The following PIWIL1 variants were observed in gnomAD, a reference collection of about 807,000 sequenced individuals.
The protein encoded by PIWIL1 is piwi-like protein 1.
PIWIL1 carries 73 observed loss-of-function variants against 114.4 expected under a neutral mutation model. That is an observed-to-expected ratio of 0.64 (90% CI 0.53 to 0.78). PIWIL1 has a LOEUF of 0.78. PIWIL1 is among the 30% of genes least tolerant of loss of function. The pLI is 0.00. For synonymous variants in PIWIL1, 375 were observed against 369.0 expected (o/e 1.02, Z -0.19); for missense variants, 723 against 1,063.1 (o/e 0.68, Z 4.45).
At chr12:130,349,103 C>A (rs2073147899) in intron 7 of PIWIL1, 136 bp from the exon 8 acceptor site, 1 of 592,902 alleles carries the variant, frequency 1.7e-6, no homozygotes, top group South Asian at 2.5e-5. Context: ...CCATGTAAAT[C>A]CTAGAAATAA....
chr12:130,398,832 A>T, the PIWIL1 span: 12 of 192,374 alleles, frequency 6.2e-5, no homozygotes. Flanking sequence ...ACACACAGTT[A>T]GCTTGTTAAG....
chr12:130,389,957 T>C, the PIWIL1 span, among the ~76,000 whole-genome samples: 3 of 152,216 alleles, frequency 2.0e-5, no homozygotes, highest in Non-Finnish European at 4.4e-5. Context: ...TTATAAAATT[T>C]CTAAGTTAGT....
chr12:130,406,006 A>C, the PIWIL1 span, among the ~76,000 whole-genome samples: 5 of 152,240 alleles, frequency 3.3e-5, no homozygotes, highest in African/African-American at 7.2e-5. Flanking sequence ...TAGATTATCT[A>C]TAACTCAGCA....
chr12:130,388,656 C>T, the PIWIL1 span, among the ~76,000 whole-genome samples: 1 of 152,050 alleles, frequency 6.6e-6, no homozygotes, highest in Non-Finnish European at 1.5e-5. Flanking sequence ...TTTCTGTGTA[C>T]TGATATTGTA....
chr12:130,354,861 A>G (rs748917485), intron 10 of PIWIL1, 27 bp from the exon 11 acceptor site: 2 of 1,501,830 alleles, frequency 1.3e-6, no homozygotes, highest in African/African-American at 1.4e-5. Context: ...TTCTTTAACC[A>G]TATGCCTTTA....
Position 130,362,853 on chromosome 12 carries a change from GT to G in PIWIL1, c.2041+19del. The stretch of plus-strand genomic sequence containing the variant: ...GCCTGCAAGGTTAGTCACCTGTGGG[GT>G]TGCCATTCTACTCTCTAAACTGGGG... On this transcript the variant is annotated intron_variant, in intron 17 of 20. Transcript: ENST00000245255. 1 of 1,613,218 alleles carries G rather than the reference GT, an allele frequency of 6.2e-7. No homozygotes were observed. Among genetic ancestry groups the G allele is most frequent in the Non-Finnish European group, 8.5e-7 (1 of 1,179,294 alleles).
chr12:130,395,961 A>C, the PIWIL1 span, among the ~76,000 whole-genome samples: 7 of 151,712 alleles, frequency 4.6e-5, no homozygotes, highest in African/African-American at 1.7e-4. Flanking sequence ...GTAGTATGAG[A>C]GTGTCACAAC....
the PIWIL1 span, among the ~76,000 whole-genome samples, chr12:130,389,870 T>G: frequency 6.6e-6 from 1 of 152,254 alleles, no homozygotes; most frequent in East Asian, 1.9e-4. Context: ...CCCTGCATCC[T>G]GCAAGCTTGT....
chr12:130,412,518 G>A, the PIWIL1 span: 6 of 1,073,642 alleles, frequency 5.6e-6, 1 homozygote, highest in South Asian at 8.1e-5. Flanking sequence ...ATATTTAAAT[G>A]ATGCAATTTG....
chr12:130,341,899 G>A (rs1442295982), intron 1 of PIWIL1, among the ~76,000 whole-genome samples: 1 of 152,162 alleles, frequency 6.6e-6, no homozygotes, highest in Non-Finnish European at 1.5e-5. Flanking sequence ...GGAGAGAACG[G>A]TCCTGGCAGA....
At chr12:130,369,896 C>G (rs1176146798) in intron 19 of PIWIL1, among the ~76,000 whole-genome samples, 2 of 152,096 alleles carry the variant, frequency 1.3e-5, no homozygotes, top group African/African-American at 2.4e-5. Context: ...TTAATTAGAT[C>G]CCATTTGTCA....
At chr12:130,362,949 C>A in intron 17 of PIWIL1, 42 bp from the exon 18 acceptor site, 1 of 1,611,924 alleles carries the variant, frequency 6.2e-7, no homozygotes, top group Non-Finnish European at 8.5e-7. Flanking sequence ...CGAGTTGTGT[C>A]GTAGGCATGA....
At chr12:130,394,275 T>C in the PIWIL1 span, among the ~76,000 whole-genome samples, 1 of 152,180 alleles carries the variant, frequency 6.6e-6, no homozygotes, top group Non-Finnish European at 1.5e-5. Context: ...TTCTCTGTGA[T>C]GAGAGGGGCT....
chr12:130,425,096 C>T, the PIWIL1 span: 2 of 376,212 alleles, frequency 5.3e-6, no homozygotes, highest in South Asian at 1.5e-4. Context: ...AGCCAGCGGG[C>T]CGGGCAGGAG....
the PIWIL1 span, among the ~76,000 whole-genome samples, chr12:130,380,570 G>C: frequency 1.3e-5 from 2 of 152,176 alleles, no homozygotes; most frequent in Non-Finnish European, 2.9e-5. Context: ...AGAAACTGTA[G>C]ATGATTTTAC....
At chr12:130,379,305 G>T in the PIWIL1 span, among the ~76,000 whole-genome samples, 1 of 152,170 alleles carries the variant, frequency 6.6e-6, no homozygotes, top group African/African-American at 2.4e-5. Flanking sequence ...TCAAATAAAA[G>T]AATTGTACAA....
the PIWIL1 span, chr12:130,399,009 CTTTTTT>C: frequency 2.4e-6 from 1 of 419,378 alleles, no homozygotes; most frequent in Middle Eastern, 4.0e-4. Flanking sequence ...TTCTTTGTAT[CTTTTTT>C]TTTTTTTAAC....
the PIWIL1 span, among the ~76,000 whole-genome samples, chr12:130,401,978 C>T: frequency 2.0e-4 from 31 of 152,214 alleles, 1 homozygote; most frequent in Admixed American, 1.8e-3. Flanking sequence ...AGAGCCAGGC[C>T]TCCAGGCCAG....
chr12:130,358,076 T>C (rs2073413612), intron 14 of PIWIL1, among the ~76,000 whole-genome samples: 1 of 152,178 alleles, frequency 6.6e-6, no homozygotes, highest in South Asian at 2.1e-4. Context: ...CTTTCCCCTT[T>C]TACCTGCAAA....
Sources: allele counts gnomAD v4.1 joint callset (sites outside exome capture counted in the v4.1 genomes callset), GRCh38; gene constraint gnomAD v4.1.1; transcripts MANE v1.5; gene names NCBI Gene and HGNC (gene_info 2026-07-23, HGNC 2026-07-21).